ABL2: variants seen among roughly 807,000 people sequenced by gnomAD.
ABL2 encodes the protein ABL proto-oncogene 2, non-receptor tyrosine kinase.
Under a neutral mutation model 107.7 loss-of-function variants are expected in ABL2, and 49 were observed. The observed-to-expected ratio is 0.45, with a 90% CI of 0.36 to 0.58. The LOEUF is 0.58. Among genes scored for constraint, ABL2 ranks in the 20% least tolerant of loss-of-function variants. The pLI, the probability that ABL2 is intolerant of heterozygous loss-of-function variation, is 0.00. For missense variants in ABL2, 1,245 were observed against 1,457.0 expected (o/e 0.85, Z 2.37); for synonymous variants, 549 against 548.6 (o/e 1.00, Z -0.01).
At chr1:179,112,898 G>A (rs951522876) in intron 9 of ABL2, among the ~76,000 whole-genome samples, 2 of 152,132 alleles carry the variant, frequency 1.3e-5, no homozygotes, top group African/African-American at 2.4e-5. Context: ...GGGGCTACAG[G>A]CGCACGCCAC....
rs1332321021 is a variant in ABL2, at chr1:179,106,432, A to G, written c.*1286T>C. 1 of 232,582 alleles carries G rather than the reference A, an allele frequency of 4.3e-6. No individual in the cohort carries two copies. Among genetic ancestry groups the G allele is most frequent in the East Asian group, 6.1e-5 (1 of 16,498 alleles). 14.4% of individuals were successfully genotyped at this position (232,582 alleles called of 1,614,324 possible). On this transcript the variant is annotated 3_prime_UTR_variant, in exon 12 of 12. Coordinates refer to ENST00000502732, the MANE Select transcript of ABL2 (RefSeq NM_007314.4). ...TCTTAAAATAGAAGTGAAATGACAA[A>G]ATAAATAAAGAATATTCCCAATAAG...
chr1:179,164,826 C>T (rs2102760162), intron 1 of ABL2, among the ~76,000 whole-genome samples: 1 of 152,302 alleles, frequency 6.6e-6, no homozygotes, highest in South Asian at 2.1e-4. Context: ...TCTCACCTTG[C>T]TCTCATGAGA....
chr1:179,117,221 T>C (rs910624930), intron 8 of ABL2, 111 bp downstream of exon 8: 2 of 1,061,414 alleles, frequency 1.9e-6, no homozygotes, highest in African/African-American at 3.2e-5. Flanking sequence ...TGAAGAAGAA[T>C]GGCAGGTAAA....
intron 1 of ABL2, among the ~76,000 whole-genome samples, chr1:179,133,957 A>G (rs535204930): frequency 6.6e-6 from 1 of 152,336 alleles, no homozygotes; most frequent in Non-Finnish European, 1.5e-5. Flanking sequence ...GAAACTGTAT[A>G]AAGCAAAACT....
At chr1:179,151,474 A>G (rs1180138923) in intron 1 of ABL2, among the ~76,000 whole-genome samples, 2 of 152,330 alleles carry the variant, frequency 1.3e-5, no homozygotes, top group Middle Eastern at 3.4e-3. Flanking sequence ...TATAATTTAT[A>G]CATCCTGTTT....
In ABL2 at chr1:179,104,899, T is replaced by C. The variant is rs190799944; in HGVS notation, c.*2819A>G. On this transcript the variant is annotated 3_prime_UTR_variant, in exon 12 of 12. Coordinates refer to ENST00000502732, the MANE Select transcript of ABL2 (RefSeq NM_007314.4). ...ACACTTTTCCAGAAGCAGTTCTCTC[T>C]GCTTTGGATTCAAACCTTTTAATTT... The C allele has an allele frequency of 6.2e-4, 136 of 220,766 alleles. 1 individual carries two copies. Among genetic ancestry groups the C allele is most frequent in the African/African-American group, 3.0e-3 (133 of 44,782 alleles). The allele number at this position is 220,766 out of a possible 1,614,324, so 13.7% of individuals were successfully genotyped here.
intron 1 of ABL2, among the ~76,000 whole-genome samples, chr1:179,139,008 T>A (rs1657314045): frequency 1.3e-5 from 2 of 152,136 alleles, no homozygotes; most frequent in Non-Finnish European, 2.9e-5. Flanking sequence ...CTGTGGAGGA[T>A]CTACTGGGTC....
chr1:179,124,172 C>T lies in ABL2; in HGVS notation c.687+2205G>A, dbSNP rs370339435. ...AGGAGAACGGCGTGAACCTGGGAGG[C>T]GGAACTTGCAGTAAGCCGAGATCGC... On this transcript the variant is annotated intron_variant, in intron 4 of 11. Coordinates refer to ENST00000502732, the MANE Select transcript of ABL2 (RefSeq NM_007314.4). Among the ~76,000 whole-genome samples the T allele has an allele frequency of 4.0e-4, 60 of 150,544 alleles. No homozygotes were observed. In the East Asian group the frequency reaches 9.3e-3, roughly 23 times the overall value.
At chr1:179,139,978 C>T (rs1657425968) in intron 1 of ABL2, among the ~76,000 whole-genome samples, 1 of 152,222 alleles carries the variant, frequency 6.6e-6, no homozygotes, top group Non-Finnish European at 1.5e-5. Flanking sequence ...GTTGGGACCA[C>T]TGATGTAGAC....
intron 1 of ABL2, among the ~76,000 whole-genome samples, chr1:179,223,604 TAC>T (rs1663004646): frequency 1.3e-5 from 2 of 151,926 alleles, no homozygotes; most frequent in Admixed American, 1.3e-4. Flanking sequence ...ATCTATAACT[TAC>T]ACAGATTTGG....
intron 1 of ABL2, chr1:179,220,880 C>G (rs1662833431): frequency 6.0e-6 from 1 of 165,810 alleles, no homozygotes; most frequent in African/African-American, 2.4e-5. Context: ...CCACTGAGAT[C>G]TCTCACATGG....
At chr1:179,190,998 C>T (rs942870347) in intron 1 of ABL2, among the ~76,000 whole-genome samples, 2 of 152,114 alleles carry the variant, frequency 1.3e-5, no homozygotes, top group Admixed American at 6.6e-5. Flanking sequence ...GTAGAGGCAG[C>T]GATCCAGCCA....
intron 1 of ABL2, among the ~76,000 whole-genome samples, chr1:179,188,399 T>C (rs1357217331): frequency 6.7e-6 from 1 of 150,284 alleles, no homozygotes; most frequent in South Asian, 2.1e-4. Context: ...AAAAAAAAAA[T>C]AGCGGGACGT....
intron 1 of ABL2, among the ~76,000 whole-genome samples, chr1:179,212,523 G>A (rs930057762): frequency 5.4e-5 from 8 of 148,026 alleles, no homozygotes; most frequent in Admixed American, 1.3e-4. Flanking sequence ...ACCTGAGGTC[G>A]GGAGTTCGAG....
intron 10 of ABL2, among the ~76,000 whole-genome samples, chr1:179,111,339 G>A (rs1464613585): frequency 7.5e-6 from 1 of 133,204 alleles, no homozygotes; most frequent in Non-Finnish European, 1.5e-5. Flanking sequence ...AGGCTAAAGT[G>A]CAGAGGTGCG....
chr1:179,200,457 C>T (rs568127062), intron 1 of ABL2, among the ~76,000 whole-genome samples: 2 of 152,190 alleles, frequency 1.3e-5, no homozygotes, highest in Non-Finnish European at 2.9e-5. Flanking sequence ...CAGCAAGGTA[C>T]AGTTTCACAA....
Position 179,100,852 on chromosome 1 carries a change from T to TGA in ABL2, c.*6864_*6865dup, listed in dbSNP as rs1201457659. 1 of 232,630 alleles carries TGA rather than the reference T, an allele frequency of 4.3e-6. No homozygotes were observed. Among genetic ancestry groups the TGA allele is most frequent in the Non-Finnish European group, 8.5e-6 (1 of 117,806 alleles). The allele number at this position is 232,630 out of a possible 1,614,324, so 14.4% of individuals were successfully genotyped here. A position where few individuals can be genotyped will look rare whatever the true frequency, so the allele number is the denominator to read the frequency against. The stretch of plus-strand genomic sequence containing the variant: ...CAACACGCCAGCTGCTCCCTCAGAG[T>TGA]GAACAGGGCTTTGCTACTCTGCTCA... On this transcript the variant is annotated 3_prime_UTR_variant, in exon 12 of 12. Transcript: ENST00000502732.
At chr1:179,130,577 A>T (rs1656194148) in intron 3 of ABL2, among the ~76,000 whole-genome samples, 1 of 152,174 alleles carries the variant, frequency 6.6e-6, no homozygotes, top group South Asian at 2.1e-4. Flanking sequence ...GTTTGTGTTT[A>T]TATAGATTAG....
chr1:179,174,920 A>AAT lies in ABL2; in HGVS notation c.158-41547_158-41546insAT, dbSNP rs1553228696. Among the ~76,000 whole-genome samples the AAT allele has an allele frequency of 1.4e-3, 174 of 122,784 alleles. 3 individuals carry two copies. Among genetic ancestry groups the AAT allele is most frequent in the Non-Finnish European group, 2.1e-3 (125 of 60,234 alleles). 80.6% of individuals were successfully genotyped at this position (122,784 alleles called of 152,430 possible). A position where few individuals can be genotyped will look rare whatever the true frequency, so the allele number is the denominator to read the frequency against. The stretch of plus-strand genomic sequence containing the variant: ...CAAAAAAAAAAAAATAAAATAAAAA[A>AAT]AATAATAATAATAATAATAATAATT... On this transcript the variant is annotated intron_variant, in intron 1 of 11. Coordinates refer to ENST00000502732, the MANE Select transcript of ABL2 (RefSeq NM_007314.4).
Sources: gnomAD v4.1 joint callset for allele counts (sites outside exome capture counted in the v4.1 genomes callset) on GRCh38, gnomAD v4.1.1 for gene constraint, MANE v1.5 for transcripts, NCBI Gene and HGNC (gene_info 2026-07-23, HGNC 2026-07-21) for gene names.